The following BTRC variants were observed in gnomAD, a reference collection of about 807,000 sequenced individuals.
The protein encoded by BTRC is F-box/WD repeat-containing protein 1A.
Under a neutral mutation model 85.5 loss-of-function variants are expected in BTRC, and 42 were observed. The ratio of observed to expected loss-of-function variants is 0.49; its 90% CI spans 0.38 to 0.64. The LOEUF (loss-of-function observed/expected upper bound fraction) is 0.64, where lower values mean the gene tolerates loss of function less well. Among genes scored for constraint, BTRC ranks in the 30% least tolerant of loss-of-function variants. BTRC has a pLI of 0.00. For synonymous variants in BTRC, 255 were observed against 263.3 expected, an observed-to-expected ratio of 0.97 and a Z score of 0.30; for missense variants, 594 against 743.5, an observed-to-expected ratio of 0.80 and a Z score of 2.34.
intron 1 of BTRC, among the ~76,000 whole-genome samples, chr10:101,390,334 ATTTT>A (rs530214648): frequency 3.9e-5 from 5 of 128,146 alleles, no homozygotes; most frequent in African/African-American, 1.1e-4. Context: ...TCCTGGTATG[ATTTT>A]TTTTTTTTTT....
chr10:101,496,075 A>G lies in BTRC; in HGVS notation c.324+16618A>G, dbSNP rs1488253587. ...GAGTCATTTATATTGTTATGTATGT[A>G]TAGTTATAATTTGTTATTGATATGT... On this transcript the variant is annotated intron_variant, in intron 4 of 14. Coordinates refer to ENST00000370187, the MANE Select transcript of BTRC (RefSeq NM_033637.4). Among the ~76,000 whole-genome samples, 6 of 151,434 alleles carry G rather than the reference A, an allele frequency of 4.0e-5. No homozygotes were observed. The South Asian group carries it at 1.2e-3, about 31-fold the overall frequency.
chr10:101,394,758 G>A (rs948978861), intron 1 of BTRC, among the ~76,000 whole-genome samples: 1 of 152,180 alleles, frequency 6.6e-6, no homozygotes. Context: ...CTGTAGAGTA[G>A]TACATGGCTA....
At chr10:101,376,311 C>T (rs1006845161) in intron 1 of BTRC, among the ~76,000 whole-genome samples, 1 of 152,134 alleles carries the variant, frequency 6.6e-6, no homozygotes, top group African/African-American at 2.4e-5. Context: ...TGTGACAGAG[C>T]AAGACTCCAT....
At chr10:101,405,680 T>C (rs751492500) in intron 1 of BTRC, among the ~76,000 whole-genome samples, 29 of 152,250 alleles carry the variant, frequency 1.9e-4, no homozygotes, top group Non-Finnish European at 3.1e-4. Context: ...TTGTTCTATA[T>C]GTTCTGTCCA....
At chr10:101,525,894 A>T in intron 5 of BTRC, 119 bp from the exon 6 acceptor site, 1 of 956,776 alleles carries the variant, frequency 1.0e-6, no homozygotes, top group Non-Finnish European at 1.5e-6. Context: ...GGACCACACT[A>T]GGGACAATGA....
At chr10:101,366,796 A>T (rs1474438480) in intron 1 of BTRC, among the ~76,000 whole-genome samples, 1 of 96,352 alleles carries the variant, frequency 1.0e-5, no homozygotes, top group African/African-American at 4.1e-5. Context: ...ATATTTTTAC[A>T]TTTATATATA....
chr10:101,453,405 A>T (rs988937026), intron 2 of BTRC: 3 of 152,192 alleles, frequency 2.0e-5, no homozygotes, highest in African/African-American at 7.2e-5. Flanking sequence ...AAATCCTCCA[A>T]TGGTAAATTA....
intron 1 of BTRC, among the ~76,000 whole-genome samples, chr10:101,418,603 A>G (rs1944010716): frequency 6.6e-6 from 1 of 151,504 alleles, no homozygotes; most frequent in Admixed American, 6.6e-5. Flanking sequence ...GACCTCTTCT[A>G]GAATTTTCTC....
intron 4 of BTRC, among the ~76,000 whole-genome samples, chr10:101,501,223 T>G (rs1340743263): frequency 6.6e-6 from 1 of 151,542 alleles, no homozygotes; most frequent in African/African-American, 2.4e-5. Flanking sequence ...TAAACGCCAA[T>G]ATGATGGGTT....
rs761577474 is a variant in BTRC at position 101,534,801 on chromosome 10, C to T, written c.1238C>T (p.Pro413Leu). The T allele has an allele frequency of 1.2e-6, 2 of 1,614,186 alleles. No homozygotes were observed. Among genetic ancestry groups the T allele is most frequent in the East Asian group, 2.2e-5 (1 of 44,884 alleles). ...ATTGCTGTATGGGATATGGCCTCCC[C>T]AACTGACATTACCCTCCGGAGGGTG... ...RSIAVWDMAS[P>L]TDITLRRVLV... Residue 413 changes from proline to leucine, a missense_variant, in exon 10 of 15, where the codon CCA becomes CTA. Transcript: ENST00000370187.
At chr10:101,552,357 A>ATT (rs33974447) in intron 14 of BTRC, among the ~76,000 whole-genome samples, 34,812 of 132,736 alleles carry the variant, frequency 0.26, 5,430 homozygotes, top group South Asian at 0.39. Flanking sequence ...AATTGTTTGT[A>ATT]TTTTTTTTTT....
intron 13 of BTRC, among the ~76,000 whole-genome samples, chr10:101,545,281 T>A (rs1038661753): frequency 1.5e-4 from 23 of 152,050 alleles, no homozygotes; most frequent in Non-Finnish European, 2.9e-4. Flanking sequence ...TACTTCACAT[T>A]AAAAAAATAG....
chr10:101,547,332 T>C (rs2062573846), intron 13 of BTRC, among the ~76,000 whole-genome samples: 1 of 130,408 alleles, frequency 7.7e-6, no homozygotes, highest in African/African-American at 2.8e-5. Context: ...GTTTTTCTTT[T>C]TTTTTTTTTT....
At chr10:101,424,627 T>TTA (rs1944200799) in intron 1 of BTRC, among the ~76,000 whole-genome samples, 1 of 152,182 alleles carries the variant, frequency 6.6e-6, no homozygotes, top group Non-Finnish European at 1.5e-5. Context: ...GGCTAGCCCT[T>TTA]TGCCTGCAGG....
intron 2 of BTRC, among the ~76,000 whole-genome samples, chr10:101,461,679 G>C (rs1945229067): frequency 6.6e-6 from 1 of 152,122 alleles, no homozygotes; most frequent in Admixed American, 6.5e-5. Context: ...GAACTTTCTT[G>C]TATCCAGTGT....
At chr10:101,391,157 C>A (rs550293943) in intron 1 of BTRC, among the ~76,000 whole-genome samples, 1 of 152,100 alleles carries the variant, frequency 6.6e-6, no homozygotes, top group African/African-American at 2.4e-5. Context: ...TGGTAACTAC[C>A]GCTCCTGCTG....
intron 3 of BTRC, among the ~76,000 whole-genome samples, chr10:101,471,592 A>G (rs1020340521): frequency 1.3e-5 from 2 of 152,138 alleles, no homozygotes; most frequent in African/African-American, 4.8e-5. Context: ...GGTCTTATAA[A>G]ATGAATTGGG....
upstream of BTRC, chr10:101,354,055 T>C (rs2134448148): frequency 1.8e-6 from 2 of 1,138,784 alleles, no homozygotes; most frequent in East Asian, 5.4e-5. Context: ...CCCCTCAGCC[T>C]GCGCCTGAGA....
chr10:101,471,493 T>C (rs951785633), intron 3 of BTRC, among the ~76,000 whole-genome samples: 3 of 152,236 alleles, frequency 2.0e-5, no homozygotes, highest in Non-Finnish European at 1.5e-5. Flanking sequence ...TGATTTTTGT[T>C]AAGAGTTTTT....
Sources: allele counts gnomAD v4.1 joint callset (sites outside exome capture counted in the v4.1 genomes callset), GRCh38; gene constraint gnomAD v4.1.1; transcripts MANE v1.5; gene names NCBI Gene and HGNC (gene_info 2026-07-23, HGNC 2026-07-21).